Variants in TRPC4AP observed in about 807,000 individuals in gnomAD.
TRPC4AP encodes short transient receptor potential channel 4-associated protein.
In TRPC4AP, 45 loss-of-function variants were observed where a neutral mutation model predicts 99.0. The ratio of observed to expected loss-of-function variants is 0.45; its 90% CI spans 0.36 to 0.58. The LOEUF is 0.58. Among genes scored for constraint, TRPC4AP ranks in the 20% least tolerant of loss-of-function variants. The pLI is 0.00. For missense variants in TRPC4AP, 879 were observed against 985.3 expected, an observed-to-expected ratio of 0.89 and a Z score of 1.44; for synonymous variants, 408 against 385.8, an observed-to-expected ratio of 1.06 and a Z score of -0.67.
intron 6 of TRPC4AP, among the ~76,000 whole-genome samples, chr20:35,049,593 A>G (rs1467674259): frequency 6.6e-6 from 1 of 152,212 alleles, no homozygotes; most frequent in Non-Finnish European, 1.5e-5. Context: ...GATTTCAGCA[A>G]AGTAACATGA....
intron 1 of TRPC4AP, among the ~76,000 whole-genome samples, chr20:35,079,270 G>A (rs1282919869): frequency 4.6e-5 from 7 of 151,994 alleles, no homozygotes; most frequent in Admixed American, 3.9e-4. Context: ...CAAAATATGA[G>A]GCAAAAACTG....
At chr20:35,011,194 T>C (rs1171454551) in intron 11 of TRPC4AP, among the ~76,000 whole-genome samples, 1 of 152,004 alleles carries the variant, frequency 6.6e-6, no homozygotes, top group Non-Finnish European at 1.5e-5. Flanking sequence ...AAGGTGGAGG[T>C]TGCAGTGAGC....
Position 35,016,048 on chromosome 20 carries a change from A to G in TRPC4AP, c.1310T>C (p.Leu437Pro). 3 of 1,614,242 alleles carry G rather than the reference A, an allele frequency of 1.9e-6. No homozygotes were observed. In the South Asian group the frequency reaches 3.3e-5, roughly 18 times the overall value. The change falls in exon 10 of 19, where the codon CTT becomes CCT. Residue 437 changes from leucine to proline, a missense_variant. Around this residue, in one of 3 missense-constraint regions of TRPC4AP, gnomAD observed 603 missense variants for 631.8 expected, o/e 0.95. Coordinates refer to ENST00000252015, the MANE Select transcript of TRPC4AP (RefSeq NM_015638.3). ...LIWRKHSASA[L>P]VLHGHNQNCD... Reference sequence around the variant, plus strand: ...GTTCTGGTTGTGACCATGGAGGACAAGGGCAGATGCTGAATGCTTCCTCCA... The same window carrying G: ...GTTCTGGTTGTGACCATGGAGGACAGGGGCAGATGCTGAATGCTTCCTCCA...
intron 3 of TRPC4AP, among the ~76,000 whole-genome samples, chr20:35,068,702 A>G (rs1351043801): frequency 6.6e-6 from 1 of 152,116 alleles, no homozygotes; most frequent in Non-Finnish European, 1.5e-5. Flanking sequence ...TGGTATTTTT[A>G]GTAGAGACAG....
intron 2 of TRPC4AP, 98 bp downstream of exon 2, chr20:35,077,948 C>G (rs954436277): frequency 7.3e-7 from 1 of 1,378,772 alleles, no homozygotes; most frequent in African/African-American, 1.5e-5. Context: ...TAAAAACAGG[C>G]TATTTTTAAA....
intron 3 of TRPC4AP, among the ~76,000 whole-genome samples, chr20:35,067,843 G>C (rs867294873): frequency 9.9e-5 from 15 of 152,284 alleles, no homozygotes; most frequent in African/African-American, 3.6e-4. Flanking sequence ...TGTGGGGAGA[G>C]GGGGAGGAGG....
intron 6 of TRPC4AP, among the ~76,000 whole-genome samples, chr20:35,049,348 G>C (rs1257009951): frequency 6.6e-6 from 1 of 151,244 alleles, no homozygotes; most frequent in African/African-American, 2.4e-5. Flanking sequence ...CTCCTACTGC[G>C]CTGGTGCCAA....
chr20:35,043,247 AT>A lies in TRPC4AP; in HGVS notation c.865+1257del, dbSNP rs1167449495. Among the ~76,000 whole-genome samples the A allele has an allele frequency of 9.3e-3, 1,332 of 142,734 alleles. 3 individuals carry two copies. The highest frequency in any genetic ancestry group is 0.018 in the African/African-American group (685 of 39,106). The allele number at this position is 142,734 out of a possible 152,430, so 93.6% of individuals were successfully genotyped here. ...ATTACAAATAATGTTGCAATGAATAATTTTTTTTTTTTTTTTTGAGACGGAG... is the reference window on the plus strand; with the variant it reads ...ATTACAAATAATGTTGCAATGAATAATTTTTTTTTTTTTTTTGAGACGGAG... On this transcript the variant is annotated intron_variant, in intron 7 of 18. Coordinates refer to ENST00000252015, the MANE Select transcript of TRPC4AP (RefSeq NM_015638.3).
chr20:35,054,967 G>C lies in TRPC4AP; in HGVS notation c.528+9C>G. On this transcript the variant is annotated intron_variant, in intron 5 of 18. Coordinates refer to ENST00000252015, the MANE Select transcript of TRPC4AP (RefSeq NM_015638.3). ...AGATAAACAGAGCCCCAGTGGCAGGGGTACTTACACAGACACAGGTATTAT... is the reference window on the plus strand; with the variant it reads ...AGATAAACAGAGCCCCAGTGGCAGGCGTACTTACACAGACACAGGTATTAT... 1 of 1,611,306 alleles carries C rather than the reference G, an allele frequency of 6.2e-7. No homozygotes were observed. Among genetic ancestry groups the C allele is most frequent in the African/African-American group, 1.3e-5 (1 of 74,874 alleles).
intron 1 of TRPC4AP, among the ~76,000 whole-genome samples, chr20:35,082,902 C>G (rs1374598501): frequency 6.6e-6 from 1 of 152,180 alleles, no homozygotes; most frequent in Non-Finnish European, 1.5e-5. Context: ...CAGGTATCCA[C>G]AGAAAACCCA....
intron 6 of TRPC4AP, among the ~76,000 whole-genome samples, chr20:35,047,494 T>G (rs1225553253): frequency 6.6e-6 from 1 of 152,232 alleles, no homozygotes. Context: ...GAAAGTACAT[T>G]CATCCCTTCT....
At chr20:35,048,676 C>T (rs984008656) in intron 6 of TRPC4AP, among the ~76,000 whole-genome samples, 3 of 152,114 alleles carry the variant, frequency 2.0e-5, no homozygotes, top group Admixed American at 6.5e-5. Flanking sequence ...TGGAACACCT[C>T]GCCATTTTGG....
At chr20:35,053,826 C>T (rs1237696924) in intron 5 of TRPC4AP, among the ~76,000 whole-genome samples, 1 of 152,166 alleles carries the variant, frequency 6.6e-6, no homozygotes, top group African/African-American at 2.4e-5. Context: ...CCACTTCTTC[C>T]TACTTTTTTC....
chr20:35,042,683 A>G (rs2083468559), intron 7 of TRPC4AP, among the ~76,000 whole-genome samples: 1 of 152,146 alleles, frequency 6.6e-6, no homozygotes, highest in Admixed American at 6.5e-5. Context: ...TTTCAGTTCA[A>G]ATATGAATTA....
intron 5 of TRPC4AP, among the ~76,000 whole-genome samples, chr20:35,051,602 A>G (rs1182634323): frequency 6.6e-6 from 1 of 150,894 alleles, no homozygotes; most frequent in Non-Finnish European, 1.5e-5. Flanking sequence ...CTTCAGTCGT[A>G]GCACTGACAC....
At chr20:35,069,443 G>T in intron 2 of TRPC4AP, 31 bp from the exon 3 acceptor site, 2 of 1,397,682 alleles carry the variant, frequency 1.4e-6, no homozygotes, top group Non-Finnish European at 2.0e-6. Context: ...TACATACATT[G>T]TTTTAGTAAC....
chr20:35,059,751 A>C (rs1409705329), intron 3 of TRPC4AP, among the ~76,000 whole-genome samples: 4 of 147,230 alleles, frequency 2.7e-5, no homozygotes, highest in South Asian at 2.2e-4. Flanking sequence ...ACGAAGAAGA[A>C]GAAGACGAAG....
chr20:35,071,339 T>G (rs1327282621), intron 2 of TRPC4AP, among the ~76,000 whole-genome samples: 1 of 151,728 alleles, frequency 6.6e-6, no homozygotes, highest in Non-Finnish European at 1.5e-5. Context: ...CATGCAGGTT[T>G]GTTACATATG....
At chr20:35,036,809 G>C (rs1385855130) in intron 7 of TRPC4AP, among the ~76,000 whole-genome samples, 1 of 152,072 alleles carries the variant, frequency 6.6e-6, no homozygotes, top group Non-Finnish European at 1.5e-5. Context: ...AGCCAGGCGT[G>C]GTATCGTGCG....
Sources: gnomAD v4.1 joint callset for allele counts (sites outside exome capture counted in the v4.1 genomes callset) on GRCh38, gnomAD v4.1.1 for gene constraint, gnomAD v4.1.1 regional missense constraint, MANE v1.5 for transcripts, NCBI Gene and HGNC (gene_info 2026-07-23, HGNC 2026-07-21) for gene names.